NRXN1: variants seen among roughly 807,000 people sequenced by gnomAD.
The protein encoded by NRXN1 is neurexin 1.
In NRXN1, 39 loss-of-function variants were observed where a neutral mutation model predicts 150.9. The ratio of observed to expected loss-of-function variants is 0.26; its 90% confidence interval spans 0.20 to 0.34. The LOEUF is 0.34. Among genes scored for constraint, NRXN1 ranks in the 10% least tolerant of loss-of-function variants. The probability of loss-of-function intolerance (pLI) is 1.00; values close to 1 mark genes in which losing one functional copy is unlikely to be tolerated. For synonymous variants in NRXN1, 924 were observed against 757.0 expected, an observed-to-expected ratio of 1.22 and a Z score of -3.62; for missense variants, 1,815 against 1,949.9, an observed-to-expected ratio of 0.93 and a Z score of 1.30.
intron 17 of NRXN1, among the ~76,000 whole-genome samples, chr2:50,323,069 T>C (rs1214361327): frequency 6.6e-6 from 1 of 152,238 alleles, no homozygotes; most frequent in Non-Finnish European, 1.5e-5. Flanking sequence ...TCATAGGTCA[T>C]ATCCTTCATA....
intron 17 of NRXN1, among the ~76,000 whole-genome samples, chr2:50,374,789 A>G (rs2080362603): frequency 1.3e-5 from 2 of 152,202 alleles, no homozygotes; most frequent in African/African-American, 2.4e-5. Flanking sequence ...TTTCAAATCC[A>G]TATTTTGTGG....
chr2:50,993,280 G>A (rs572667234), intron 2 of NRXN1, among the ~76,000 whole-genome samples: 36 of 152,050 alleles, frequency 2.4e-4, no homozygotes, highest in Non-Finnish European at 4.6e-4. Context: ...AATGGAGACC[G>A]AAATAATTTA....
Position 50,997,484 on chromosome 2 carries a change from T to C in NRXN1, c.772+30018A>G, listed in dbSNP as rs547327879. 3.5e-5 allele frequency among the ~76,000 whole-genome samples: 5 copies of C among 143,854 alleles called. 1 individual carries two copies. The highest frequency in any genetic ancestry group is 1.4e-4 in the African/African-American group (5 of 35,086). The allele number at this position is 143,854 out of a possible 152,430, so 94.4% of individuals were successfully genotyped here. On this transcript the variant is annotated intron_variant, in intron 2 of 22. Coordinates refer to ENST00000401669, the MANE Select transcript of NRXN1 (RefSeq NM_001330078.2). ...TTTCCAAAGGAAATAGCTCCAACTT[T>C]TAAATATTTGAAGGGGAAAACATTT...
At chr2:50,758,706 G>T (rs1032254296) in intron 5 of NRXN1, among the ~76,000 whole-genome samples, 2 of 151,822 alleles carry the variant, frequency 1.3e-5, no homozygotes, top group Non-Finnish European at 2.9e-5. Flanking sequence ...AGAGTAACAT[G>T]GTCTCTTTTC....
At chr2:49,992,093 T>C (rs1682065205) in intron 21 of NRXN1, among the ~76,000 whole-genome samples, 1 of 152,162 alleles carries the variant, frequency 6.6e-6, no homozygotes, top group Admixed American at 6.5e-5. Context: ...GATCAAACCC[T>C]TAAGTGTAAA....
At chr2:49,954,942 C>G (rs1026583848) in intron 21 of NRXN1, among the ~76,000 whole-genome samples, 5 of 152,082 alleles carry the variant, frequency 3.3e-5, no homozygotes, top group Non-Finnish European at 7.4e-5. Context: ...CATAATCACT[C>G]AAAAACCTGG....
At chr2:50,946,054 T>C (rs536888075) in intron 2 of NRXN1, among the ~76,000 whole-genome samples, 22 of 151,818 alleles carry the variant, frequency 1.4e-4, no homozygotes, top group Middle Eastern at 6.8e-3. Context: ...ACACAAAACA[T>C]ACTCAGAGCT....
At chr2:50,167,024 C>T (rs978419411) in intron 18 of NRXN1, among the ~76,000 whole-genome samples, 1 of 152,012 alleles carries the variant, frequency 6.6e-6, no homozygotes, top group Non-Finnish European at 1.5e-5. Context: ...AGATTACATA[C>T]AATGAAATGA....
chr2:50,241,281 G>C (rs1385190967), intron 17 of NRXN1, among the ~76,000 whole-genome samples: 1 of 151,268 alleles, frequency 6.6e-6, no homozygotes, highest in African/African-American at 2.4e-5. Context: ...CTGCCAGCTA[G>C]CTTTTTAAAA....
chr2:50,865,054 G>A (rs67206190), intron 5 of NRXN1, among the ~76,000 whole-genome samples: 26,495 of 151,672 alleles, frequency 0.17, 2,440 homozygotes, highest in Middle Eastern at 0.21. Context: ...AAAAGAGTGC[G>A]TGTGTGTGTA....
At chr2:50,626,157 A>G (rs940320325) in intron 5 of NRXN1, among the ~76,000 whole-genome samples, 4 of 152,022 alleles carry the variant, frequency 2.6e-5, no homozygotes, top group Non-Finnish European at 4.4e-5. Flanking sequence ...TGGCTTAATA[A>G]GAGACTTTGG....
chr2:50,957,426 A>T (rs192896677), intron 2 of NRXN1, among the ~76,000 whole-genome samples: 1 of 152,268 alleles, frequency 6.6e-6, no homozygotes, highest in South Asian at 2.1e-4. Flanking sequence ...CTGGGAGTGG[A>T]TATTACCGGC....
intron 19 of NRXN1, among the ~76,000 whole-genome samples, chr2:50,085,467 G>C (rs12472743): frequency 6.6e-6 from 1 of 152,006 alleles, no homozygotes; most frequent in African/African-American, 2.4e-5. Flanking sequence ...TACATTTAAT[G>C]AGAACATGGG....
At chr2:49,968,138 C>CAAAAA (rs113639817) in intron 21 of NRXN1, among the ~76,000 whole-genome samples, 1 of 137,670 alleles carries the variant, frequency 7.3e-6, no homozygotes. Flanking sequence ...TCCATCCCAC[C>CAAAAA]AAAAAAAAAA....
chr2:50,653,429 A>C (rs2104575418), intron 5 of NRXN1, among the ~76,000 whole-genome samples: 1 of 152,096 alleles, frequency 6.6e-6, no homozygotes, highest in Admixed American at 6.6e-5. Flanking sequence ...GCTGTGATTG[A>C]TTGAGACTCA....
At chr2:50,577,877 G>C (rs1049180872) in intron 8 of NRXN1, among the ~76,000 whole-genome samples, 1 of 152,074 alleles carries the variant, frequency 6.6e-6, no homozygotes, top group African/African-American at 2.4e-5. Context: ...AATAATTTTA[G>C]CTATAATATG....
chr2:51,000,051 C>T (rs995760883), intron 2 of NRXN1, among the ~76,000 whole-genome samples: 5 of 151,948 alleles, frequency 3.3e-5, no homozygotes, highest in African/African-American at 7.2e-5. Context: ...CTTCAATTAC[C>T]GTGCCCATCT....
chr2:50,892,683 C>A (rs944485799), intron 5 of NRXN1, among the ~76,000 whole-genome samples: 20 of 152,084 alleles, frequency 1.3e-4, no homozygotes, highest in African/African-American at 4.8e-4. Flanking sequence ...TCTGAGATAC[C>A]TTGGCCAATA....
At chr2:50,882,340 ATAACT>A (rs1490066412) in intron 5 of NRXN1, among the ~76,000 whole-genome samples, 1 of 151,936 alleles carries the variant, frequency 6.6e-6, no homozygotes, top group Non-Finnish European at 1.5e-5. Context: ...AAAGTATATA[ATAACT>A]TCATTTATGA....
Sources: allele counts gnomAD v4.1 joint callset (sites outside exome capture counted in the v4.1 genomes callset), GRCh38; gene constraint gnomAD v4.1.1; transcripts MANE v1.5; gene names NCBI Gene and HGNC (gene_info 2026-07-23, HGNC 2026-07-21).